Variants in IL1RAPL2 observed in about 807,000 individuals in gnomAD.
IL1RAPL2 encodes interleukin 1 receptor accessory protein like 2.
Under a neutral mutation model 44.1 loss-of-function variants are expected in IL1RAPL2, and 3 were observed. The ratio of observed to expected loss-of-function variants is 0.07; its 90% CI spans 0.03 to 0.18. The LOEUF is 0.18. Among genes scored for constraint, IL1RAPL2 ranks in the 10% least tolerant of loss-of-function variants. The pLI, the probability that IL1RAPL2 is intolerant of heterozygous loss-of-function variation, is 1.00. For synonymous variants in IL1RAPL2, 181 were observed against 178.8 expected, an observed-to-expected ratio of 1.01 and a Z score of -0.10; for missense variants, 391 against 496.4, an observed-to-expected ratio of 0.79 and a Z score of 2.02.
chrX:104,606,028 T>A (rs776229292), intron 1 of IL1RAPL2, among the ~76,000 whole-genome samples: 44 of 111,626 alleles, frequency 3.9e-4, no homozygotes, highest in Non-Finnish European at 7.2e-4. Context: ...AAAAGAAAAT[T>A]TCAGGCCAAT....
chrX:104,567,354 T>G (rs1928057467), intron 1 of IL1RAPL2, among the ~76,000 whole-genome samples: 1 of 112,761 alleles, frequency 8.9e-6, no homozygotes. Context: ...TCTCTGCGGC[T>G]GGCGCGCGGG....
intron 6 of IL1RAPL2, among the ~76,000 whole-genome samples, chrX:105,633,972 A>G (rs1159349963): frequency 9.0e-6 from 1 of 111,043 alleles, no homozygotes; most frequent in Non-Finnish European, 1.9e-5. Context: ...CACTCTAAGA[A>G]TGCCACCAAC....
chrX:104,798,082 C>T (rs935015225), intron 2 of IL1RAPL2, among the ~76,000 whole-genome samples: 3 of 111,762 alleles, frequency 2.7e-5, no homozygotes, highest in East Asian at 2.8e-4. Context: ...ATATGAATTT[C>T]GGTCTGTTCA....
chrX:104,571,958 G>C (rs1292679280), intron 1 of IL1RAPL2, among the ~76,000 whole-genome samples: 1 of 111,865 alleles, frequency 8.9e-6, no homozygotes, highest in Non-Finnish European at 1.9e-5. Context: ...TCTTTTGTTT[G>C]TTAACAGTCT....
intron 2 of IL1RAPL2, among the ~76,000 whole-genome samples, chrX:105,000,162 T>G (rs1260472334): frequency 9.0e-6 from 1 of 111,643 alleles, no homozygotes; most frequent in Admixed American, 9.6e-5. Context: ...TGGAATATAT[T>G]CTCTCAACAA....
At chrX:105,573,788 A>G (rs2037031626) in intron 6 of IL1RAPL2, among the ~76,000 whole-genome samples, 1 of 112,104 alleles carries the variant, frequency 8.9e-6, no homozygotes, top group Admixed American at 9.5e-5. Flanking sequence ...AGTAGAATAC[A>G]TATATCTGAA....
chrX:105,268,903 G>A (rs1176988327), intron 5 of IL1RAPL2, among the ~76,000 whole-genome samples: 1 of 9,312 alleles, frequency 1.1e-4, no homozygotes, highest in Non-Finnish European at 1.8e-4. Flanking sequence ...AGTTTGCTAT[G>A]TATATGTATA....
At chrX:105,402,188 T>A (rs1039912633) in intron 5 of IL1RAPL2, among the ~76,000 whole-genome samples, 5 of 111,544 alleles carry the variant, frequency 4.5e-5, no homozygotes, top group African/African-American at 1.6e-4. Flanking sequence ...AGTTATTTCA[T>A]CTGAAGTAAT....
At chrX:105,095,658 A>C (rs761872136) in intron 2 of IL1RAPL2, among the ~76,000 whole-genome samples, 15 of 111,983 alleles carry the variant, frequency 1.3e-4, no homozygotes, top group African/African-American at 3.6e-4. Context: ...AAAAGAATAA[A>C]TTTGGACCAC....
chrX:105,050,260 T>C (rs2031900947), intron 2 of IL1RAPL2, among the ~76,000 whole-genome samples: 1 of 112,129 alleles, frequency 8.9e-6, no homozygotes, highest in Non-Finnish European at 1.9e-5. Flanking sequence ...GAGTAAAAAG[T>C]ATGCTTTTTG....
At chrX:105,706,584 T>C (rs960579363) in intron 6 of IL1RAPL2, among the ~76,000 whole-genome samples, 6 of 111,084 alleles carry the variant, frequency 5.4e-5, no homozygotes, top group African/African-American at 2.0e-4. Context: ...GATGGCTGGC[T>C]CAGTTTTACA....
At chrX:105,199,421 G>A (rs2033698021) in intron 3 of IL1RAPL2, among the ~76,000 whole-genome samples, 1 of 108,326 alleles carries the variant, frequency 9.2e-6, no homozygotes, top group South Asian at 4.0e-4. Context: ...AAGGAGTCCT[G>A]TTTTTTTAAT....
chrX:104,738,090 CAT>C (rs1932046208), intron 2 of IL1RAPL2, among the ~76,000 whole-genome samples: 1 of 112,209 alleles, frequency 8.9e-6, no homozygotes, highest in South Asian at 3.7e-4. Flanking sequence ...GAAACTCACA[CAT>C]ATATTTATCT....
At chrX:105,753,239 A>C (rs1216759052) in intron 9 of IL1RAPL2, among the ~76,000 whole-genome samples, 1 of 111,456 alleles carries the variant, frequency 9.0e-6, no homozygotes, top group Non-Finnish European at 1.9e-5. Flanking sequence ...AGATGGGTAA[A>C]GAAGTCAAGT....
At chrX:105,056,182 C>A (rs73520246) in intron 2 of IL1RAPL2, among the ~76,000 whole-genome samples, 5,066 of 111,158 alleles carry the variant, frequency 0.046, 302 homozygotes, top group African/African-American at 0.16. Context: ...ATTAAGAAGG[C>A]AAATATTCTC....
chrX:105,063,413 C>G (rs750069545), intron 2 of IL1RAPL2, among the ~76,000 whole-genome samples: 15 of 111,835 alleles, frequency 1.3e-4, no homozygotes, highest in Admixed American at 3.8e-4. Flanking sequence ...TCCCTAGTGC[C>G]TTATTTATTT....
At chrX:105,361,451 T>C (rs1207872991) in intron 5 of IL1RAPL2, among the ~76,000 whole-genome samples, 2 of 111,401 alleles carry the variant, frequency 1.8e-5, no homozygotes, top group Admixed American at 9.6e-5. Context: ...TTGAAGCAGA[T>C]TGCAAAGCTA....
intron 2 of IL1RAPL2, among the ~76,000 whole-genome samples, chrX:105,036,361 A>G (rs2031628585): frequency 9.0e-6 from 1 of 111,671 alleles, no homozygotes; most frequent in Non-Finnish European, 1.9e-5. Context: ...TAGAAACAGT[A>G]ATCTAAATTT....
chrX:104,658,614 TA>T (rs1194397359), intron 1 of IL1RAPL2, among the ~76,000 whole-genome samples: 2 of 112,162 alleles, frequency 1.8e-5, no homozygotes, highest in African/African-American at 6.5e-5. Flanking sequence ...TAAAGTATAA[TA>T]AAAAAATACA....
Sources: gnomAD v4.1 joint callset for allele counts (sites outside exome capture counted in the v4.1 genomes callset) on GRCh38, gnomAD v4.1.1 for gene constraint, MANE v1.5 for transcripts, NCBI Gene and HGNC (gene_info 2026-07-23, HGNC 2026-07-21) for gene names.